The following PCLO variants were observed in gnomAD, a reference collection of about 807,000 sequenced individuals.
PCLO encodes protein piccolo.
A neutral mutation model predicts 427.5 loss-of-function variants in PCLO; 82 were observed. The observed-to-expected ratio is 0.19, with a 90% CI of 0.16 to 0.23. The LOEUF is 0.23. PCLO is among the 10% of genes least tolerant of loss of function. PCLO has a pLI of 1.00. For missense variants in PCLO, 6,239 were observed against 6,115.9 expected (o/e 1.02, Z -0.67); for synonymous variants, 2,357 against 2,155.4 (o/e 1.09, Z -2.59).
chr7:83,020,281 A>C (rs2116052306), intron 3 of PCLO, among the ~76,000 whole-genome samples: 1 of 152,230 alleles, frequency 6.6e-6, no homozygotes, highest in Middle Eastern at 3.4e-3. Flanking sequence ...ATCTTTCATG[A>C]GGGTGCAGAA....
intron 14 of PCLO, among the ~76,000 whole-genome samples, chr7:82,838,780 C>G (rs1168067384): frequency 1.3e-5 from 2 of 151,794 alleles, no homozygotes; most frequent in Non-Finnish European, 2.9e-5. Context: ...TGGGGTGGAA[C>G]TGTCATTTAA....
At chr7:82,798,678 C>T (rs1211919579) in intron 22 of PCLO, among the ~76,000 whole-genome samples, 1 of 152,224 alleles carries the variant, frequency 6.6e-6, no homozygotes, top group East Asian at 1.9e-4. Context: ...CAGTTTTCTT[C>T]TCCATATTAT....
intron 3 of PCLO, among the ~76,000 whole-genome samples, chr7:83,037,429 T>C (rs1229844151): frequency 6.6e-6 from 1 of 151,964 alleles, no homozygotes; most frequent in Non-Finnish European, 1.5e-5. Context: ...TAATAGTTGG[T>C]TTTAAAGGTT....
At chr7:83,031,726 C>G (rs1360550630) in intron 3 of PCLO, among the ~76,000 whole-genome samples, 1 of 151,650 alleles carries the variant, frequency 6.6e-6, no homozygotes, top group Non-Finnish European at 1.5e-5. Context: ...CTCTCTCTCT[C>G]TCTCTCTCCC....
chr7:82,973,617 C>T (rs1562893099), intron 3 of PCLO, among the ~76,000 whole-genome samples: 1 of 151,954 alleles, frequency 6.6e-6, no homozygotes, highest in Non-Finnish European at 1.5e-5. Context: ...CTCTTACCTG[C>T]ATGCTTATTT....
At chr7:82,880,429 A>T (rs757278959) in intron 9 of PCLO, 1 of 407,208 alleles carries the variant, frequency 2.5e-6, no homozygotes, top group South Asian at 1.8e-5. Flanking sequence ...TCTTTTGTAG[A>T]GACAAGGTCT....
At chr7:83,110,208 C>A (rs1790968270) in intron 3 of PCLO, among the ~76,000 whole-genome samples, 1 of 151,580 alleles carries the variant, frequency 6.6e-6, no homozygotes, top group South Asian at 2.1e-4. Flanking sequence ...AAAGAAAATA[C>A]TGCAATAAGC....
At chr7:82,848,422 T>TG (rs1456297204) in intron 10 of PCLO, among the ~76,000 whole-genome samples, 1 of 148,700 alleles carries the variant, frequency 6.7e-6, no homozygotes, top group Non-Finnish European at 1.5e-5. Flanking sequence ...GCAATTCTCC[T>TG]GCCTCAGCCT....
chr7:82,788,897 CTCAT>C (rs1390051011), intron 22 of PCLO, among the ~76,000 whole-genome samples: 2 of 151,280 alleles, frequency 1.3e-5, no homozygotes, highest in African/African-American at 4.9e-5. Flanking sequence ...TAAATAGTGA[CTCAT>C]TAATTAATAA....
chr7:82,784,150 T>C (rs1479070872), intron 22 of PCLO, among the ~76,000 whole-genome samples: 1 of 152,174 alleles, frequency 6.6e-6, no homozygotes, highest in Non-Finnish European at 1.5e-5. Context: ...TTTTAAAACT[T>C]GAGCCAGACT....
At chr7:82,821,364 C>T in intron 20 of PCLO, 2 of 985,902 alleles carry the variant, frequency 2.0e-6, no homozygotes, top group Non-Finnish European at 2.4e-6. Flanking sequence ...AAATGTTATT[C>T]ATGCAAACAG....
intron 3 of PCLO, among the ~76,000 whole-genome samples, chr7:83,004,217 T>C (rs1787891875): frequency 6.6e-6 from 1 of 151,650 alleles, no homozygotes; most frequent in African/African-American, 2.4e-5. Context: ...ATCTTGAGAA[T>C]CAACAAAGGT....
In PCLO at chr7:83,019,806, G is replaced by C. The variant is rs140793067; in HGVS notation, c.3301-53319C>G. Among the ~76,000 whole-genome samples, 10 of 152,138 alleles carry C rather than the reference G, an allele frequency of 6.6e-5. No homozygotes were observed. In the East Asian group the frequency reaches 1.7e-3, roughly 26 times the overall value. ...ATTTCTACAGAATAAATTATGACTA[G>C]AGAATCCATCAGACTCTGGGGCAAA... On this transcript the variant is annotated intron_variant, in intron 3 of 24. Transcript: ENST00000333891.
intron 3 of PCLO, among the ~76,000 whole-genome samples, chr7:83,105,740 G>T (rs567505535): frequency 6.6e-6 from 1 of 152,154 alleles, no homozygotes; most frequent in East Asian, 1.9e-4. Flanking sequence ...TTGACTAGGA[G>T]TACTATGAAA....
At chr7:83,124,248 C>T (rs978213037) in intron 3 of PCLO, among the ~76,000 whole-genome samples, 4 of 150,362 alleles carry the variant, frequency 2.7e-5, no homozygotes, top group Admixed American at 1.3e-4. Flanking sequence ...ACCAGGAAGG[C>T]GGAGCTTGCA....
chr7:82,994,403 C>T (rs1344764665), intron 3 of PCLO, among the ~76,000 whole-genome samples: 7 of 151,710 alleles, frequency 4.6e-5, no homozygotes, highest in South Asian at 2.1e-4. Flanking sequence ...AAGGAAGTGA[C>T]GTAAGAGCTA....
chr7:82,912,239 T>C (rs1294562533), intron 7 of PCLO, among the ~76,000 whole-genome samples: 1 of 151,996 alleles, frequency 6.6e-6, no homozygotes, highest in Non-Finnish European at 1.5e-5. Context: ...TAAAAATTTC[T>C]AATACTTAAT....
chr7:82,799,192 C>G (rs191381149), intron 22 of PCLO, among the ~76,000 whole-genome samples: 136 of 152,256 alleles, frequency 8.9e-4, no homozygotes, highest in Non-Finnish European at 1.6e-3. Context: ...CACTATATAT[C>G]TAAATTCTAG....
In PCLO at chr7:82,756,313, T is replaced by C. The variant is rs1790317059; in HGVS notation, c.*2262A>G. On this transcript the variant is annotated 3_prime_UTR_variant, in exon 25 of 25. Transcript: ENST00000333891. ...ATAGGCTTCTTCAAGTGCTAGCTTC[T>C]GCTGGAAATATCCATGGCAACCATC... 6.6e-6 allele frequency: 1 copy of C among 152,100 alleles called. No homozygotes were observed. 9.4% of individuals were successfully genotyped at this position (152,100 alleles called of 1,614,324 possible).
Sources: allele counts gnomAD v4.1 joint callset (sites outside exome capture counted in the v4.1 genomes callset), GRCh38; gene constraint gnomAD v4.1.1; transcripts MANE v1.5; gene names NCBI Gene and HGNC (gene_info 2026-07-23, HGNC 2026-07-21).